WDR1: variants seen among roughly 807,000 people sequenced by gnomAD.
The protein encoded by WDR1 is WD repeat domain 1.
Under a neutral mutation model 71.9 loss-of-function variants are expected in WDR1, and 21 were observed. The observed-to-expected ratio is 0.29, with a 90% CI of 0.21 to 0.42. The LOEUF is 0.42. Ranked by LOEUF, WDR1 falls within the 10% of genes least tolerant of loss-of-function variation. The probability of loss-of-function intolerance (pLI) is 1.00; values close to 1 mark genes in which losing one functional copy is unlikely to be tolerated. For missense variants in WDR1, 696 were observed against 824.5 expected (o/e 0.84, Z 1.91); for synonymous variants, 424 against 347.4 (o/e 1.22, Z -2.45).
At chr4:10,095,517 C>G (rs182094783) in intron 5 of WDR1, among the ~76,000 whole-genome samples, 8 of 152,162 alleles carry the variant, frequency 5.3e-5, no homozygotes, top group Non-Finnish European at 7.3e-5. Context: ...CCAGCCTGCA[C>G]GCGCTCCCTT....
At chr4:10,078,618 C>T (rs562623457) in intron 12 of WDR1, 23 of 326,888 alleles carry the variant, frequency 7.0e-5, no homozygotes, top group Non-Finnish European at 1.0e-4. Context: ...GTGCCCTCCT[C>T]GGCACTCCCT....
intron 2 of WDR1, chr4:10,115,912 A>C: frequency 1.5e-6 from 1 of 645,190 alleles, no homozygotes; most frequent in Non-Finnish European, 2.7e-6. Flanking sequence ...CAGTTTCCTC[A>C]TCAAGAAGGA....
intron 2 of WDR1, among the ~76,000 whole-genome samples, chr4:10,105,307 C>G (rs1366423221): frequency 6.6e-6 from 1 of 152,204 alleles, no homozygotes; most frequent in Non-Finnish European, 1.5e-5. Flanking sequence ...CTTTATCTCA[C>G]TAGCCATCTC....
At chr4:10,104,431 A>G (rs1028045348) in intron 2 of WDR1, among the ~76,000 whole-genome samples, 1 of 152,164 alleles carries the variant, frequency 6.6e-6, no homozygotes, top group African/African-American at 2.4e-5. Flanking sequence ...GTTGGACCCC[A>G]AACTCAGCGC....
In WDR1 at chr4:10,075,075, G is replaced by C; in HGVS notation, c.*303C>G. The C allele has an allele frequency of 2.2e-6, 1 of 461,088 alleles. No individual in the cohort carries two copies. The highest frequency in any genetic ancestry group is 3.8e-6 in the Non-Finnish European group (1 of 260,542). The allele number at this position is 461,088 out of a possible 1,614,324, so 28.6% of individuals were successfully genotyped here. A position where few individuals can be genotyped will look rare whatever the true frequency, so the allele number is the denominator to read the frequency against. ...GGGGCCAGGGGCTCTGTGTGCTTTG[G>C]AGGCTACTGCCTCTGGAATGTTTCG... is the stretch of plus-strand genomic sequence containing the variant. On this transcript the variant is annotated 3_prime_UTR_variant, in exon 15 of 15. Transcript: ENST00000499869.
At chr4:10,099,570 C>T (rs764283248) in intron 3 of WDR1, among the ~76,000 whole-genome samples, 6 of 152,240 alleles carry the variant, frequency 3.9e-5, no homozygotes, top group African/African-American at 7.2e-5. Context: ...TGGAATGGGA[C>T]GGCACTGGCT....
intron 2 of WDR1, among the ~76,000 whole-genome samples, chr4:10,106,856 T>C (rs1201953484): frequency 6.6e-6 from 1 of 152,028 alleles, no homozygotes; most frequent in East Asian, 1.9e-4. Flanking sequence ...GGGAGGCTGC[T>C]TACTACACCC....
At chr4:10,094,113 T>A (rs1712178106) in intron 5 of WDR1, among the ~76,000 whole-genome samples, 1 of 152,156 alleles carries the variant, frequency 6.6e-6, no homozygotes, top group Non-Finnish European at 1.5e-5. Context: ...TGCTGAACAT[T>A]TTTCCACCTA....
intron 2 of WDR1, among the ~76,000 whole-genome samples, chr4:10,104,227 G>A (rs1040523966): frequency 6.6e-6 from 1 of 152,124 alleles, no homozygotes; most frequent in Non-Finnish European, 1.5e-5. Flanking sequence ...GTACAACAAG[G>A]TGATTTTTTT....
intron 5 of WDR1, among the ~76,000 whole-genome samples, chr4:10,089,600 C>A (rs1578427214): frequency 2.0e-5 from 3 of 152,330 alleles, no homozygotes; most frequent in African/African-American, 7.2e-5. Context: ...AAGCTGCCAA[C>A]ACCTGCCCTG....
intron 3 of WDR1, among the ~76,000 whole-genome samples, chr4:10,103,573 T>C (rs1172756389): frequency 6.6e-6 from 1 of 152,078 alleles, no homozygotes; most frequent in African/African-American, 2.4e-5. Context: ...CGATAGCTGA[T>C]GAGCTTGAAA....
intron 5 of WDR1, among the ~76,000 whole-genome samples, chr4:10,093,614 G>C (rs1296015270): frequency 6.6e-6 from 1 of 152,250 alleles, no homozygotes; most frequent in East Asian, 1.9e-4. Context: ...GAAGGGACAA[G>C]AGGCTCATCC....
chr4:10,099,949 T>G (rs1307556513), intron 3 of WDR1, among the ~76,000 whole-genome samples: 1 of 151,910 alleles, frequency 6.6e-6, no homozygotes, highest in Non-Finnish European at 1.5e-5. Context: ...GTACCCCCAA[T>G]CCCCCACCAC....
chr4:10,116,217 G>A lies in WDR1; in HGVS notation c.34C>T (p.Leu12Phe). 6.2e-7 allele frequency: 1 copy of A among 1,613,638 alleles called. No homozygotes were observed. Among genetic ancestry groups the A allele is most frequent in the Non-Finnish European group, 8.5e-7 (1 of 1,179,828 alleles). ...PYEIKKVFASLPQVERGVSKI... is the reference protein window; with the variant it reads ...PYEIKKVFASFPQVERGVSKI... ...GAGACGCCCCTCTCCACCTGCGGGA[G>A]GCTGGCGAACACCTTCTCTGCGGAG... Residue 12 changes from leucine (L) to phenylalanine (F), a missense_variant, in exon 2 of 15, where the codon CTC becomes TTC. Leu to Phe is a conservative substitution (Grantham distance 22). Transcript: ENST00000499869.
chr4:10,097,038 G>C (rs1016175138), intron 5 of WDR1, among the ~76,000 whole-genome samples: 1 of 152,228 alleles, frequency 6.6e-6, no homozygotes, highest in Admixed American at 6.5e-5. Context: ...AGACCTGCCA[G>C]GTGGCTCTCC....
intron 11 of WDR1, 77 bp from the exon 12 acceptor site, chr4:10,079,078 C>T: frequency 8.3e-7 from 1 of 1,209,156 alleles, no homozygotes; most frequent in Non-Finnish European, 1.2e-6. Flanking sequence ...GGGGCGCGTC[C>T]CTGTCGGGGC....
chr4:10,087,828 G>A lies in WDR1; in HGVS notation c.830C>T (p.Thr277Met), dbSNP rs760077379. The A allele has an allele frequency of 1.3e-5, 21 of 1,583,948 alleles. No homozygotes were observed. The highest frequency in any genetic ancestry group is 2.3e-5 in the East Asian group (1 of 43,476). Residue 277 changes from threonine to methionine, a missense_variant, in exon 8 of 15, where the codon ACG (threonine) becomes ATG (methionine). By Grantham distance (81) the Thr-to-Met change is moderately conservative (BLOSUM62 -1). Coordinates refer to ENST00000499869, the MANE Select transcript of WDR1 (RefSeq NM_017491.5). Reference sequence around the variant, plus strand: ...GCAGCCCAGCTGCTGGTCCAGAACCGTGGAGCCCATGGGAAATGTGCTGAC... The same window carrying A: ...GCAGCCCAGCTGCTGGTCCAGAACCATGGAGCCCATGGGAAATGTGCTGAC... Reference protein sequence around the residue: ...SVVSTFPMGSTVLDQQLGCLW... With the variant: ...SVVSTFPMGSMVLDQQLGCLW...
intron 3 of WDR1, among the ~76,000 whole-genome samples, chr4:10,100,311 T>G (rs900764458): frequency 6.6e-6 from 1 of 152,210 alleles, no homozygotes; most frequent in African/African-American, 2.4e-5. Context: ...GCAAGCAACA[T>G]GGCTTGTGTC....
At chr4:10,116,336 G>C (rs754796159) in intron 1 of WDR1, 102 bp from the exon 2 acceptor site, 76 of 1,517,024 alleles carry the variant, frequency 5.0e-5, no homozygotes, top group Admixed American at 7.7e-5. Context: ...GTCACCTGTT[G>C]ACTGCGCCGG....
Sources: allele counts gnomAD v4.1 joint callset (sites outside exome capture counted in the v4.1 genomes callset), GRCh38; gene constraint gnomAD v4.1.1; transcripts MANE v1.5; gene names NCBI Gene and HGNC (gene_info 2026-07-23, HGNC 2026-07-21).